The following USB1 variants were observed in gnomAD, a reference collection of about 807,000 sequenced individuals.
USB1 encodes the protein U6 snRNA biogenesis phosphodiesterase 1, also known as U6 snRNA phosphodiesterase 1.
USB1 carries 21 observed loss-of-function variants against 29.9 expected under a neutral mutation model. The observed-to-expected ratio is 0.70, with a 90% CI of 0.50 to 1.01. The LOEUF is 1.01. Among genes scored for constraint, USB1 ranks in the 50% least tolerant of loss-of-function variants. The pLI is 0.00. For synonymous variants in USB1, 143 were observed against 134.9 expected (o/e 1.06, Z -0.42); for missense variants, 330 against 347.1 (o/e 0.95, Z 0.39).
At chr16:58,000,232 G>T (rs944608609), upstream of USB1, among the ~76,000 whole-genome samples, 2 of 152,080 alleles carry the variant, frequency 1.3e-5, no homozygotes, top group Non-Finnish European at 2.9e-5. The surrounding 1 kb of genome is among the most constrained non-coding windows in gnomAD (Gnocchi z 4.5). Flanking sequence ...CTACAGGCCG[G>T]GCCCAGGAAG....
rs1963708836 is a variant in USB1, at chr16:58,020,401, G to A, written c.*156G>A. On this transcript the variant is annotated 3_prime_UTR_variant, in exon 7 of 7. Coordinates refer to ENST00000219281, the MANE Select transcript of USB1 (RefSeq NM_024598.4). ...TGTAGCCACTCCTCATCCTCCCTGA[G>A]TGCTGATATTCTCTCTCTCTCTTTC... 2 of 695,666 alleles carry A rather than the reference G, an allele frequency of 2.9e-6. No individual in the cohort carries two copies. Among genetic ancestry groups the A allele is most frequent in the South Asian group, 3.1e-5 (2 of 64,966 alleles). The allele number at this position is 695,666 out of a possible 1,614,324, so 43.1% of individuals were successfully genotyped here.
chr16:58,013,280 AC>A lies in USB1; in HGVS notation c.450-991del. 1 of 985,436 alleles carries A rather than the reference AC, an allele frequency of 1.0e-6. No homozygotes were observed. The highest frequency in any genetic ancestry group is 1.2e-6 in the Non-Finnish European group (1 of 829,944). 61.0% of individuals were successfully genotyped at this position (985,436 alleles called of 1,614,324 possible). On this transcript the variant is annotated intron_variant, in intron 3 of 6. Transcript: ENST00000219281. The surrounding 1 kb of genome is among the most constrained non-coding windows in gnomAD (Gnocchi z 4.3). ...GTCCACTCCAGGATGTTTGGGAGAC[AC>A]CTTGAGAACTCTTCCTAAAAGCTGC...
At chr16:58,015,323 G>A (rs1167309155) in intron 4 of USB1, 1 of 152,166 alleles carries the variant, frequency 6.6e-6, no homozygotes, top group African/African-American at 2.4e-5. Context: ...GCAGTTGTAA[G>A]GCTCAAATGA....
At chr16:58,015,715 T>C (rs1275328710) in intron 4 of USB1, 1 of 151,980 alleles carries the variant, frequency 6.6e-6, no homozygotes, top group East Asian at 1.9e-4. Flanking sequence ...GCCAGGGAGA[T>C]GGCATTTGAT....
chr16:58,009,617 C>T (rs1361318513), intron 2 of USB1, among the ~76,000 whole-genome samples: 1 of 151,128 alleles, frequency 6.6e-6, no homozygotes, highest in African/African-American at 2.4e-5. Context: ...CCCAGCTACT[C>T]GGGAGGCTGA....
intron 6 of USB1, 30 bp downstream of exon 6, chr16:58,019,085 C>G (rs190247181): frequency 1.2e-6 from 2 of 1,607,308 alleles, no homozygotes; most frequent in Admixed American, 3.4e-5. Context: ...GCACAGAGGG[C>G]GCTGAACTCC....
chr16:58,007,055 G>A (rs1181951359), intron 2 of USB1, among the ~76,000 whole-genome samples: 2 of 152,176 alleles, frequency 1.3e-5, no homozygotes, highest in Non-Finnish European at 2.9e-5. Context: ...TTGAATACCT[G>A]GGATAAATCC....
chr16:58,007,081 C>G (rs1963378402), intron 2 of USB1, among the ~76,000 whole-genome samples: 1 of 152,142 alleles, frequency 6.6e-6, no homozygotes, highest in Admixed American at 6.5e-5. Context: ...AGTTGTGGAG[C>G]ATTATTCTCT....
rs150380411 is a variant in USB1, at chr16:58,020,736, CCTCT to C, written c.*498_*501del. ...CTTCCCCTCCTCTATCTCTTCCTCTCCTCTCTCTCTTCCTCTCCTCTCTCTCTCT... is the reference window on the plus strand; with the variant it reads ...CTTCCCCTCCTCTATCTCTTCCTCTCCTCTCTTCCTCTCCTCTCTCTCTCT... On this transcript the variant is annotated 3_prime_UTR_variant, in exon 7 of 7. Coordinates refer to ENST00000219281, the MANE Select transcript of USB1 (RefSeq NM_024598.4). The C allele has an allele frequency of 0.011, 2,286 of 200,656 alleles. 70 individuals are homozygous for C. The highest frequency in any genetic ancestry group is 0.05 in the African/African-American group (2,113 of 42,030). The allele number at this position is 200,656 out of a possible 1,614,324, so 12.4% of individuals were successfully genotyped here. A position where few individuals can be genotyped will look rare whatever the true frequency, so the allele number is the denominator to read the frequency against.
chr16:58,017,168 A>G, intron 4 of USB1, 166 bp from the exon 5 acceptor site: 1 of 678,380 alleles, frequency 1.5e-6, no homozygotes. Context: ...AGAGAATCTG[A>G]GGACTGAGAG....
Position 58,013,041 on chromosome 16 carries a change from G to T in USB1, c.450-1232G>T. ...AGGATCTGTGTCATGAGTGAAGCCC[G>T]GGCAGGTGTGGTCTGTTCAACTTTG... is the stretch of plus-strand genomic sequence containing the variant. On this transcript the variant is annotated intron_variant, in intron 3 of 6. Transcript: ENST00000219281. This position sits in a 1 kb window ranked among gnomAD's most constrained non-coding sequence, Gnocchi z 4.3. 1 of 985,580 alleles carries T rather than the reference G, an allele frequency of 1.0e-6. No individual in the cohort carries two copies. The highest frequency in any genetic ancestry group is 1.2e-6 in the Non-Finnish European group (1 of 830,068). 61.1% of individuals were successfully genotyped at this position (985,580 alleles called of 1,614,324 possible).
Position 58,014,300 on chromosome 16 carries a change from G to C in USB1, c.477G>C (p.Lys159Asn). Residue 159 changes from lysine (K) to asparagine (N), a missense_variant, in exon 4 of 7, where the codon AAG becomes AAC. Lys to Asn is a moderately conservative substitution (Grantham distance 94). Transcript: ENST00000219281. The stretch of plus-strand genomic sequence containing the variant: ...TCTTCTTTACTGCCAACCAGGTAAA[G>C]ATTTACACCAATCAAGAGAAAACCA... The part of the protein sequence containing the change: ...HRFFFTANQV[K>N]IYTNQEKTRT... The C allele has an allele frequency of 6.2e-7, 1 of 1,613,908 alleles. No individual in the cohort carries two copies. The highest frequency in any genetic ancestry group is 8.5e-7 in the Non-Finnish European group (1 of 1,179,900).
At chr16:58,007,039 C>T (rs1444833423) in intron 2 of USB1, among the ~76,000 whole-genome samples, 1 of 152,162 alleles carries the variant, frequency 6.6e-6, no homozygotes, top group Non-Finnish European at 1.5e-5. Context: ...GAATGTTGAG[C>T]CTGCTTTGAA....
chr16:58,013,085 A>C lies in USB1; in HGVS notation c.450-1188A>C. ...AACTTTGATCATCTGGTTGAGCCTA[A>C]GGTGACCAAGAGTGGGCGGTGCACC... On this transcript the variant is annotated intron_variant, in intron 3 of 6. Coordinates refer to ENST00000219281, the MANE Select transcript of USB1 (RefSeq NM_024598.4). This position sits in a 1 kb window ranked among gnomAD's most constrained non-coding sequence, Gnocchi z 4.3. 2 of 985,530 alleles carry C rather than the reference A, an allele frequency of 2.0e-6. No homozygotes were observed. The highest frequency in any genetic ancestry group is 2.4e-6 in the Non-Finnish European group (2 of 830,036). The allele number at this position is 985,530 out of a possible 1,614,324, so 61.0% of individuals were successfully genotyped here.
chr16:58,007,982 C>CA lies in USB1; in HGVS notation c.266-1937dup, dbSNP rs71385145. Among the ~76,000 whole-genome samples, 10 of 147,732 alleles carry CA rather than the reference C, an allele frequency of 6.8e-5. No homozygotes were observed. In the South Asian group the frequency reaches 1.1e-3, roughly 16 times the overall value. Reference sequence around the variant, plus strand: ...TGGGCAAAAGAGTGAGACTCTGTCTCAAAAAAAAAATAATAATAATTCAAT... The same window carrying CA: ...TGGGCAAAAGAGTGAGACTCTGTCTCAAAAAAAAAAATAATAATAATTCAAT... On this transcript the variant is annotated intron_variant, in intron 2 of 6. Coordinates refer to ENST00000219281, the MANE Select transcript of USB1 (RefSeq NM_024598.4).
At chr16:58,001,348 C>G, upstream of USB1, 2 of 996,448 alleles carry the variant, frequency 2.0e-6, no homozygotes, top group Non-Finnish European at 3.1e-6. Flanking sequence ...CTGCCGGGTT[C>G]CGCCCCTCCC....
At chr16:58,012,998 C>G (rs763664239) in intron 3 of USB1, 57 of 985,684 alleles carry the variant, frequency 5.8e-5, no homozygotes, top group Non-Finnish European at 6.6e-5. Context: ...GACCCCTGGG[C>G]TGGTTCCCTC....
intron 4 of USB1, among the ~76,000 whole-genome samples, chr16:58,014,722 G>A (rs1400220333): frequency 2.0e-5 from 3 of 152,212 alleles, no homozygotes; most frequent in Non-Finnish European, 4.4e-5. Flanking sequence ...GGTCGAGGCT[G>A]CAGTGAGCCA....
chr16:58,005,572 T>TA (rs537976467), intron 2 of USB1, among the ~76,000 whole-genome samples: 1,567 of 152,346 alleles, frequency 0.01, 36 homozygotes, highest in African/African-American at 0.036. Flanking sequence ...AGGATTATTA[T>TA]ATATTGGAAT....
Sources: gnomAD v4.1 joint callset for allele counts (sites outside exome capture counted in the v4.1 genomes callset) on GRCh38, gnomAD v4.1.1 for gene constraint, Gnocchi (gnomAD v3.1) non-coding constraint, MANE v1.5 for transcripts, NCBI Gene and HGNC (gene_info 2026-07-23, HGNC 2026-07-21) for gene names.